L3MBTL3: variants seen among roughly 807,000 people sequenced by gnomAD.
L3MBTL3 encodes L3MBTL histone methyl-lysine binding protein 3, also known as lethal(3)malignant brain tumor-like protein 3.
A neutral mutation model predicts 102.3 loss-of-function variants in L3MBTL3; 27 were observed. The ratio of observed to expected loss-of-function variants is 0.26; its 90% CI spans 0.19 to 0.36. L3MBTL3 has a LOEUF of 0.36. Ranked by LOEUF, L3MBTL3 falls within the 10% of genes least tolerant of loss-of-function variation. L3MBTL3 has a pLI of 1.00. For missense variants in L3MBTL3, 798 were observed against 955.3 expected, an observed-to-expected ratio of 0.84 and a Z score of 2.17; for synonymous variants, 340 against 320.9, an observed-to-expected ratio of 1.06 and a Z score of -0.64.
intron 11 of L3MBTL3, among the ~76,000 whole-genome samples, chr6:130,067,407 C>A (rs1477192658): frequency 6.6e-6 from 1 of 152,170 alleles, no homozygotes; most frequent in Non-Finnish European, 1.5e-5. Context: ...AGCCACCGTG[C>A]CCGGCCATAT....
chr6:130,032,278 A>T (rs1475998357), intron 2 of L3MBTL3, among the ~76,000 whole-genome samples: 1 of 152,164 alleles, frequency 6.6e-6, no homozygotes, highest in East Asian at 1.9e-4. Flanking sequence ...TATTCAAATA[A>T]AATGAATTTT....
chr6:130,078,799 G>A (rs973866146), intron 14 of L3MBTL3, among the ~76,000 whole-genome samples, 165 bp downstream of exon 14: 1 of 152,112 alleles, frequency 6.6e-6, no homozygotes, highest in African/African-American at 2.4e-5. Flanking sequence ...TAGACAATAG[G>A]TAAACCAATG....
intron 12 of L3MBTL3, among the ~76,000 whole-genome samples, chr6:130,069,878 C>T (rs1271741548): frequency 6.6e-5 from 10 of 152,158 alleles, no homozygotes; most frequent in African/African-American, 4.8e-5. Context: ...GATCAGAACT[C>T]GGATAAATTT....
intron 15 of L3MBTL3, 35 bp downstream of exon 15, chr6:130,083,740 A>C: frequency 9.5e-7 from 1 of 1,058,110 alleles, no homozygotes; most frequent in Non-Finnish European, 1.4e-6. Context: ...TGCGTGGATG[A>C]GATCATTTAT....
At chr6:130,105,345 A>C (rs1181563520) in intron 19 of L3MBTL3, among the ~76,000 whole-genome samples, 1 of 152,170 alleles carries the variant, frequency 6.6e-6, no homozygotes, top group African/African-American at 2.4e-5. Flanking sequence ...ATGGCATTTA[A>C]ACTAAAGGAT....
rs35551443 is a variant in L3MBTL3 at position 130,080,262 on chromosome 6, GA to G, written c.1321+1641del. The stretch of plus-strand genomic sequence containing the variant: ...AGCAAGACAGTGTTTCAAGAAAAAA[GA>G]AAAAAAAAAAAAGAAAGCAAGGTAT... On this transcript the variant is annotated intron_variant, in intron 14 of 22. Coordinates refer to ENST00000361794, the MANE Select transcript of L3MBTL3 (RefSeq NM_032438.4). 4.7e-3 allele frequency among the ~76,000 whole-genome samples: 661 copies of G among 139,296 alleles called. 2 individuals are homozygous for G. Among genetic ancestry groups the G allele is most frequent in the Non-Finnish European group, 6.7e-3 (427 of 63,444 alleles). 91.4% of individuals were successfully genotyped at this position (139,296 alleles called of 152,430 possible). A position where few individuals can be genotyped will look rare whatever the true frequency, so the allele number is the denominator to read the frequency against.
At chr6:130,105,398 G>A (rs1448220802) in intron 19 of L3MBTL3, among the ~76,000 whole-genome samples, 1 of 152,066 alleles carries the variant, frequency 6.6e-6, no homozygotes, top group Non-Finnish European at 1.5e-5. Context: ...GGATGGAGTA[G>A]GGGACACCTA....
At chr6:130,066,284 G>C (rs1210868144) in intron 10 of L3MBTL3, 69 bp from the exon 11 acceptor site, 2 of 268,670 alleles carry the variant, frequency 7.4e-6, no homozygotes, top group Non-Finnish European at 1.1e-5. Context: ...GTTTATTTTT[G>C]TGTATATATA....
intron 13 of L3MBTL3, among the ~76,000 whole-genome samples, chr6:130,077,564 A>G (rs1783034128): frequency 2.0e-5 from 3 of 152,230 alleles, no homozygotes; most frequent in African/African-American, 7.2e-5. Flanking sequence ...ATGAACTCAC[A>G]ATGTATTATT....
intron 20 of L3MBTL3, among the ~76,000 whole-genome samples, chr6:130,123,664 C>T (rs1181474577): frequency 3.9e-5 from 6 of 152,070 alleles, no homozygotes; most frequent in Non-Finnish European, 7.4e-5. Context: ...TAACATCTTT[C>T]TTAGCCTTAG....
intron 2 of L3MBTL3, among the ~76,000 whole-genome samples, chr6:130,026,627 T>C (rs1478223636): frequency 6.6e-6 from 1 of 152,076 alleles, no homozygotes; most frequent in Non-Finnish European, 1.5e-5. Flanking sequence ...AGACCAATTA[T>C]TGAATTATTC....
At chr6:130,073,475 A>G (rs1782760077) in intron 13 of L3MBTL3, among the ~76,000 whole-genome samples, 1 of 152,092 alleles carries the variant, frequency 6.6e-6, no homozygotes. Context: ...AAATGAGAAT[A>G]TTTTGTTTTT....
rs554978661 is a variant in L3MBTL3, at chr6:130,086,123, AT to A, written c.1408-8del. 2.0e-4 allele frequency: 297 copies of A among 1,517,840 alleles called. No individual in the cohort carries two copies. The highest frequency in any genetic ancestry group is 2.3e-4 in the Non-Finnish European group (257 of 1,097,396). The allele number at this position is 1,517,840 out of a possible 1,614,324, so 94.0% of individuals were successfully genotyped here. On this transcript the variant is annotated splice_polypyrimidine_tract_variant and intron_variant, in intron 15 of 22. Transcript: ENST00000361794. ...CTTCCTCTTTATCTCACTCTGTAAAATTTTTTTTTGTGGCAGAAACCTCCTC... is the reference window on the plus strand; with the variant it reads ...CTTCCTCTTTATCTCACTCTGTAAAATTTTTTTTGTGGCAGAAACCTCCTC...
rs780424133 is a variant in L3MBTL3 at position 130,049,403 on chromosome 6, G to C, written c.214+10G>C. The C allele has an allele frequency of 6.8e-5, 97 of 1,431,104 alleles. No individual in the cohort carries two copies. Among genetic ancestry groups the C allele is most frequent in the Non-Finnish European group, 9.0e-5 (93 of 1,027,926 alleles). The allele number at this position is 1,431,104 out of a possible 1,614,324, so 88.7% of individuals were successfully genotyped here. A position where few individuals can be genotyped will look rare whatever the true frequency, so the allele number is the denominator to read the frequency against. ...CCAACTGCTCAAGAAGGTAAGGATG[G>C]GTCATCTGCATTTTATTTCTTGCTT... On this transcript the variant is annotated intron_variant, in intron 4 of 22. Transcript: ENST00000361794.
At chr6:130,023,739 G>C (rs902713985) in intron 2 of L3MBTL3, among the ~76,000 whole-genome samples, 1 of 152,090 alleles carries the variant, frequency 6.6e-6, no homozygotes, top group African/African-American at 2.4e-5. Flanking sequence ...TTTTACCTTC[G>C]TCCAGCTTTA....
At chr6:130,089,623 A>T (rs1442224976) in intron 16 of L3MBTL3, among the ~76,000 whole-genome samples, 1 of 152,104 alleles carries the variant, frequency 6.6e-6, no homozygotes, top group Non-Finnish European at 1.5e-5. Flanking sequence ...CTAGTTCTAG[A>T]TCCTTGAGGA....
chr6:130,135,297 C>T (rs1769401523), intron 22 of L3MBTL3, among the ~76,000 whole-genome samples: 1 of 151,940 alleles, frequency 6.6e-6, no homozygotes, highest in South Asian at 2.1e-4. Flanking sequence ...CTCCTGACCT[C>T]AGGTGATCTG....
chr6:130,049,886 T>C, intron 5 of L3MBTL3, 56 bp downstream of exon 5: 1 of 1,557,072 alleles, frequency 6.4e-7, no homozygotes. Context: ...CTTTCTCCCC[T>C]CCCCACAAAC....
chr6:130,047,550 A>G (rs1383204254), intron 3 of L3MBTL3, among the ~76,000 whole-genome samples: 1 of 152,178 alleles, frequency 6.6e-6, no homozygotes, highest in Non-Finnish European at 1.5e-5. Flanking sequence ...GTTTAATGTA[A>G]ATGTTTGATG....
Sources: gnomAD v4.1 joint callset for allele counts (sites outside exome capture counted in the v4.1 genomes callset) on GRCh38, gnomAD v4.1.1 for gene constraint, MANE v1.5 for transcripts, NCBI Gene and HGNC (gene_info 2026-07-23, HGNC 2026-07-21) for gene names.